ADAMTSL1: variants seen among roughly 807,000 people sequenced by gnomAD.
ADAMTSL1 encodes the protein ADAMTS like 1.
Under a neutral mutation model 201.8 loss-of-function variants are expected in ADAMTSL1, and 126 were observed. That is an observed-to-expected ratio of 0.62 (90% confidence interval 0.54 to 0.72). The LOEUF is 0.72. Among genes scored for constraint, ADAMTSL1 ranks in the 30% least tolerant of loss-of-function variants. The pLI is 0.00. For missense variants in ADAMTSL1, 2,679 were observed against 2,277.8 expected, an observed-to-expected ratio of 1.18 and a Z score of -3.59; for synonymous variants, 1,121 against 903.4, an observed-to-expected ratio of 1.24 and a Z score of -4.32.
chr9:18,563,080 T>C (rs577490561), intron 3 of ADAMTSL1, among the ~76,000 whole-genome samples: 32 of 152,318 alleles, frequency 2.1e-4, no homozygotes, highest in African/African-American at 5.3e-4. Context: ...TTGTGATCCT[T>C]TGGAGAAGAG....
intron 2 of ADAMTSL1, among the ~76,000 whole-genome samples, chr9:18,260,325 A>G (rs989034476): frequency 4.6e-5 from 7 of 152,258 alleles, no homozygotes; most frequent in African/African-American, 1.7e-4. Flanking sequence ...CATGAAAAAC[A>G]ACTGTTTGTA....
chr9:18,550,863 A>G (rs142209883), intron 3 of ADAMTSL1, among the ~76,000 whole-genome samples: 17 of 152,064 alleles, frequency 1.1e-4, no homozygotes, highest in African/African-American at 3.9e-4. Context: ...TAACATTCCA[A>G]TGTTTAGTGT....
chr9:18,711,387 GCACAC>G (rs1832583651), intron 14 of ADAMTSL1, among the ~76,000 whole-genome samples: 1 of 151,206 alleles, frequency 6.6e-6, no homozygotes, highest in African/African-American at 2.4e-5. Flanking sequence ...CAGTGGGTGA[GCACAC>G]CGTGCGCGAG....
At chr9:18,201,842 A>G (rs1032756241) in intron 2 of ADAMTSL1, among the ~76,000 whole-genome samples, 3 of 152,142 alleles carry the variant, frequency 2.0e-5, no homozygotes, top group African/African-American at 7.2e-5. Flanking sequence ...CAACATAGGA[A>G]TGATAATGCC....
intron 23 of ADAMTSL1, among the ~76,000 whole-genome samples, chr9:18,842,357 T>A (rs1449764487): frequency 5.3e-5 from 8 of 152,052 alleles, no homozygotes; most frequent in Non-Finnish European, 1.2e-4. Context: ...TTTGAGTGAG[T>A]TTCTTAATCC....
chr9:18,314,445 T>G (rs1045422231), intron 2 of ADAMTSL1, among the ~76,000 whole-genome samples: 1 of 152,040 alleles, frequency 6.6e-6, no homozygotes, highest in Non-Finnish European at 1.5e-5. Flanking sequence ...CTCGCTGACT[T>G]CAGGAGTGAT....
At chr9:18,255,675 G>C (rs2132511140) in intron 2 of ADAMTSL1, among the ~76,000 whole-genome samples, 1 of 152,320 alleles carries the variant, frequency 6.6e-6, no homozygotes, top group East Asian at 1.9e-4. Flanking sequence ...CAAATCCAGA[G>C]ACAGGTGAAA....
Position 18,753,294 on chromosome 9 carries a change from T to C in ADAMTSL1, c.2007-4T>C, listed in dbSNP as rs1415895708. On this transcript the variant is annotated splice_region_variant and splice_polypyrimidine_tract_variant and intron_variant, in intron 15 of 28. Coordinates refer to ENST00000380548, the MANE Select transcript of ADAMTSL1 (RefSeq NM_001040272.6). ...TGTCCTCTTCCTCTCTGATTTCTTC[T>C]CAGGTGGGAAATTGGCAAGTGGAGT... 8.7e-6 allele frequency: 14 copies of C among 1,609,244 alleles called. No homozygotes were observed. In the Admixed American group the frequency reaches 2.2e-4, roughly 25 times the overall value.
chr9:18,247,251 A>G (rs955065664), intron 2 of ADAMTSL1, among the ~76,000 whole-genome samples: 1 of 152,256 alleles, frequency 6.6e-6, no homozygotes, highest in African/African-American at 2.4e-5. Context: ...ATTTATAGCT[A>G]ATGTAGTCAT....
At chr9:18,561,283 T>C (rs1264349347) in intron 3 of ADAMTSL1, among the ~76,000 whole-genome samples, 4 of 152,232 alleles carry the variant, frequency 2.6e-5, no homozygotes, top group African/African-American at 9.6e-5. Flanking sequence ...CTTAATTTCA[T>C]TATTTACCCA....
intron 2 of ADAMTSL1, among the ~76,000 whole-genome samples, chr9:18,300,584 C>G (rs1054149607): frequency 6.6e-6 from 1 of 152,230 alleles, no homozygotes; most frequent in Admixed American, 6.5e-5. Flanking sequence ...ACGTTGTGCA[C>G]ATGCACTCCA....
chr9:18,739,695 C>T (rs714243), intron 15 of ADAMTSL1, among the ~76,000 whole-genome samples: 37,645 of 152,068 alleles, frequency 0.25, 5,590 homozygotes, highest in South Asian at 0.4. Context: ...TGTGGAAAGC[C>T]TCATTCTCAC....
At chr9:18,782,304 A>G (rs551412688) in intron 19 of ADAMTSL1, among the ~76,000 whole-genome samples, 1 of 152,224 alleles carries the variant, frequency 6.6e-6, no homozygotes, top group African/African-American at 2.4e-5. Flanking sequence ...CCAGGTATAC[A>G]TCGACTTGCT....
chr9:18,267,999 T>C (rs35641978), intron 2 of ADAMTSL1, among the ~76,000 whole-genome samples: 6,938 of 152,266 alleles, frequency 0.046, 246 homozygotes, highest in Non-Finnish European at 0.074. Context: ...AATTTAAGTA[T>C]TGTGCTTAGA....
chr9:18,853,918 T>TGTGTGTGTGTGTGCGCGCGCGC (rs139332733), intron 23 of ADAMTSL1, among the ~76,000 whole-genome samples: 1 of 145,380 alleles, frequency 6.9e-6, no homozygotes, highest in Admixed American at 6.8e-5. Context: ...TGTGTGTGTG[T>TGTGTGTGTGTGTGCGCGCGCGC]GCGCGTGCAT....
At chr9:18,223,343 T>C (rs1830332583) in intron 2 of ADAMTSL1, among the ~76,000 whole-genome samples, 1 of 152,148 alleles carries the variant, frequency 6.6e-6, no homozygotes, top group Admixed American at 6.5e-5. Context: ...TTCTGAAATC[T>C]GAAACAATTC....
chr9:18,242,249 G>A (rs951023432), intron 2 of ADAMTSL1, among the ~76,000 whole-genome samples: 8 of 152,058 alleles, frequency 5.3e-5, no homozygotes, highest in African/African-American at 7.2e-5. Context: ...AACTGAATGA[G>A]AGATTAAAAA....
At chr9:18,644,480 G>A (rs1827655949) in intron 7 of ADAMTSL1, among the ~76,000 whole-genome samples, 2 of 151,844 alleles carry the variant, frequency 1.3e-5, no homozygotes. Context: ...CTGGTGTGCT[G>A]CACCCATTAA....
intron 1 of ADAMTSL1, among the ~76,000 whole-genome samples, chr9:18,119,472 T>C (rs1028828523): frequency 2.6e-5 from 4 of 152,052 alleles, no homozygotes; most frequent in African/African-American, 9.7e-5. Flanking sequence ...AGCTAATTTT[T>C]GTATTTTTCA....
Sources: gnomAD v4.1 joint callset for allele counts (sites outside exome capture counted in the v4.1 genomes callset) on GRCh38, gnomAD v4.1.1 for gene constraint, MANE v1.5 for transcripts, NCBI Gene and HGNC (gene_info 2026-07-23, HGNC 2026-07-21) for gene names.